C11orf65: variants seen among roughly 807,000 people sequenced by gnomAD.
C11orf65 encodes protein MFI.
Under a neutral mutation model 35.3 loss-of-function variants are expected in C11orf65, and 38 were observed. The observed-to-expected ratio is 1.08, with a 90% confidence interval of 0.83 to 1.41. C11orf65 has a LOEUF of 1.41. Ranked by LOEUF, C11orf65 falls within the 40% of genes most tolerant of loss-of-function variation. The probability of loss-of-function intolerance (pLI) is 0.00; values close to 1 mark genes in which losing one functional copy is unlikely to be tolerated. For missense variants in C11orf65, 370 were observed against 367.1 expected (o/e 1.01, Z -0.06); for synonymous variants, 105 against 114.4 (o/e 0.92, Z 0.53).
intron 6 of C11orf65, among the ~76,000 whole-genome samples, chr11:108,404,179 AC>A (rs1180054643): frequency 1.3e-5 from 2 of 151,984 alleles, no homozygotes; most frequent in Admixed American, 6.6e-5. Flanking sequence ...ACAATATACA[AC>A]CAGGTATGCT....
chr11:108,379,044 T>C (rs2091803124), downstream of C11orf65, among the ~76,000 whole-genome samples: 1 of 152,202 alleles, frequency 6.6e-6, no homozygotes, highest in South Asian at 2.1e-4. Flanking sequence ...GTAAACTAGT[T>C]CAACCATTGT....
chr11:108,413,282 C>T (rs192505122), intron 3 of C11orf65, among the ~76,000 whole-genome samples: 2 of 152,162 alleles, frequency 1.3e-5, no homozygotes, highest in Admixed American at 1.3e-4. Context: ...TTAGAGTATC[C>T]ATCACCCAAT....
chr11:108,390,792 G>C (rs1337016654), intron 7 of C11orf65, among the ~76,000 whole-genome samples: 3 of 152,144 alleles, frequency 2.0e-5, no homozygotes, highest in Non-Finnish European at 4.4e-5. Context: ...CTACAGACAT[G>C]CTGTCTATAG....
At chr11:108,424,576 C>G (rs934029889) in intron 3 of C11orf65, among the ~76,000 whole-genome samples, 1 of 152,158 alleles carries the variant, frequency 6.6e-6, no homozygotes, top group South Asian at 2.1e-4. Flanking sequence ...GACTTTAACA[C>G]CCCCCTGTCA....
At chr11:108,336,577 T>G (rs227063) in intron 2 of C11orf65, among the ~76,000 whole-genome samples, 83,205 of 151,958 alleles carry the variant, frequency 0.55, 23,207 homozygotes, top group Middle Eastern at 0.75. Context: ...TGGGCATTTG[T>G]GTTGTTTTCA....
chr11:108,369,024 T>C (rs550004981), intron 2 of C11orf65: 3 of 179,368 alleles, frequency 1.7e-5, no homozygotes, highest in Non-Finnish European at 3.6e-5. Flanking sequence ...CTATAGATTT[T>C]AGTACTATTG....
intron 8 of C11orf65, 96 bp downstream of exon 8, chr11:108,385,824 C>A: frequency 2.1e-6 from 2 of 953,534 alleles, no homozygotes; most frequent in East Asian, 2.4e-5. Flanking sequence ...ATATACTATG[C>A]AGATTACTGA....
intron 2 of C11orf65, among the ~76,000 whole-genome samples, chr11:108,353,116 C>T (rs1278021975): frequency 6.6e-6 from 1 of 151,962 alleles, no homozygotes; most frequent in Non-Finnish European, 1.5e-5. Context: ...TTTCTTACAA[C>T]TCGAAGTGAA....
chr11:108,347,170 A>G (rs2088521938), intron 2 of C11orf65: 3 of 890,366 alleles, frequency 3.4e-6, no homozygotes, highest in Non-Finnish European at 5.6e-6. Flanking sequence ...TAAAAATCCT[A>G]AACTACTTAA....
chr11:108,422,218 G>A (rs917348804), intron 3 of C11orf65, among the ~76,000 whole-genome samples: 18 of 152,058 alleles, frequency 1.2e-4, no homozygotes, highest in African/African-American at 4.3e-4. Flanking sequence ...GTGAGCCACC[G>A]CGCCTGGCCG....
In C11orf65 at chr11:108,365,407, A is replaced by G. The variant is rs587781630; in HGVS notation, c.226+27801T>C. 6.2e-7 allele frequency: 1 copy of G among 1,614,210 alleles called. No individual in the cohort carries two copies. Among genetic ancestry groups the G allele is most frequent in the Admixed American group, 1.7e-5 (1 of 60,022 alleles). On this transcript the variant is annotated intron_variant, in intron 2 of 3. Coordinates refer to the C11orf65 transcript ENST00000524755. Reference sequence around the variant, plus strand: ...GAAACTGAAAGGAGTGGAAGAAGGCACTGTGCTCAGTGTTGGTGGACAAGT... The same window carrying G: ...GAAACTGAAAGGAGTGGAAGAAGGCGCTGTGCTCAGTGTTGGTGGACAAGT...
At chr11:108,375,649 T>G (rs2091702246) in intron 2 of C11orf65, among the ~76,000 whole-genome samples, 1 of 152,122 alleles carries the variant, frequency 6.6e-6, no homozygotes, top group South Asian at 2.1e-4. Context: ...TAACTTTAAA[T>G]GTATATGGAC....
chr11:108,444,124 A>T lies in C11orf65; in HGVS notation c.82-12286T>A, dbSNP rs186130022. On this transcript the variant is annotated intron_variant, in intron 2 of 8. Coordinates refer to ENST00000393084, the MANE Select transcript of C11orf65 (RefSeq NM_152587.5). ...AAGAATCAAATAGACGCAATAAAAA[A>T]TGATAAAGGGGATATCACCACCGAT... 5.8e-3 allele frequency among the ~76,000 whole-genome samples: 887 copies of T among 152,286 alleles called. 7 individuals are homozygous for T. Among genetic ancestry groups the T allele is most frequent in the African/African-American group, 0.017 (720 of 41,552 alleles).
At chr11:108,423,844 A>C (rs1252133122) in intron 3 of C11orf65, among the ~76,000 whole-genome samples, 1 of 152,208 alleles carries the variant, frequency 6.6e-6, no homozygotes. Flanking sequence ...ACTAACAAAC[A>C]GAAAGGAATA....
rs1491290232 is a variant in C11orf65, at chr11:108,354,069, A to AC, written c.227-18778_227-18777insG. ...TGTATCTAAAAAAATACACACACACAAACACACACACACACACACACACAC... is the reference window on the plus strand; with the variant it reads ...TGTATCTAAAAAAATACACACACACACAACACACACACACACACACACACAC... On this transcript the variant is annotated intron_variant, in intron 2 of 3. Coordinates refer to the C11orf65 transcript ENST00000524755. 0.22 allele frequency among the ~76,000 whole-genome samples: 17,049 copies of AC among 76,368 alleles called. 1,145 individuals are homozygous for AC. Among genetic ancestry groups the AC allele is most frequent in the Middle Eastern group, 0.32 (26 of 82 alleles). 50.1% of individuals were successfully genotyped at this position (76,368 alleles called of 152,430 possible). A position where few individuals can be genotyped will look rare whatever the true frequency, so the allele number is the denominator to read the frequency against.
At chr11:108,347,194 T>G in intron 2 of C11orf65, 1 of 1,027,042 alleles carries the variant, frequency 9.7e-7, no homozygotes, top group Non-Finnish European at 1.5e-6. Flanking sequence ...TTATACCAAG[T>G]CAGTGGTCTT....
intron 2 of C11orf65, among the ~76,000 whole-genome samples, chr11:108,373,386 A>G (rs924524371): frequency 3.9e-5 from 6 of 152,228 alleles, no homozygotes; most frequent in African/African-American, 1.2e-4. Context: ...GTCATATTTA[A>G]TGATGAAAAC....
intron 6 of C11orf65, 42 bp from the exon 7 acceptor site, chr11:108,393,420 A>T (rs1399819679): frequency 6.5e-7 from 1 of 1,549,452 alleles, no homozygotes; most frequent in Non-Finnish European, 8.9e-7. Flanking sequence ...CTTTTGAAAT[A>T]GGAGATTACA....
At chr11:108,338,464 G>A (rs2087102941) in intron 2 of C11orf65, among the ~76,000 whole-genome samples, 1 of 152,152 alleles carries the variant, frequency 6.6e-6, no homozygotes, top group Non-Finnish European at 1.5e-5. Context: ...AAACCAACCT[G>A]GGCAACACAG....
Sources: gnomAD v4.1 joint callset for allele counts (sites outside exome capture counted in the v4.1 genomes callset) on GRCh38, gnomAD v4.1.1 for gene constraint, MANE v1.5 for transcripts, NCBI Gene and HGNC (gene_info 2026-07-23, HGNC 2026-07-21) for gene names.